Variants in NTRK2 observed in about 807,000 individuals in gnomAD.
The protein encoded by NTRK2 is BDNF/NT-3 growth factors receptor.
NTRK2 carries 13 observed loss-of-function variants against 94.5 expected under a neutral mutation model. The observed-to-expected ratio is 0.14, with a 90% CI of 0.09 to 0.22. The LOEUF (loss-of-function observed/expected upper bound fraction) is 0.22. NTRK2 is among the 10% of genes least tolerant of loss of function. NTRK2 has a pLI of 1.00. For missense variants in NTRK2, 639 were observed against 1,071.2 expected (o/e 0.60, Z 5.63); for synonymous variants, 372 against 407.4 (o/e 0.91, Z 1.05).
At chr9:84,738,987 C>T (rs1457985302) in intron 9 of NTRK2, among the ~76,000 whole-genome samples, 1 of 152,024 alleles carries the variant, frequency 6.6e-6, no homozygotes, top group Non-Finnish European at 1.5e-5. Context: ...GAAAGGCATG[C>T]GCTGATATGG....
At chr9:84,694,676 C>G (rs772781928) in intron 2 of NTRK2, among the ~76,000 whole-genome samples, 2 of 152,052 alleles carry the variant, frequency 1.3e-5, no homozygotes, top group African/African-American at 2.4e-5. Context: ...TATTCTACTC[C>G]CTATGAAAGA....
At chr9:84,874,341 C>T (rs41282437) in intron 14 of NTRK2, 13,302 of 1,064,938 alleles carry the variant, frequency 0.012, 93 homozygotes, top group Non-Finnish European at 0.014. Context: ...CAATCCTTTA[C>T]GGCAGCTATT....
chr9:84,846,382 G>A (rs1183553292), intron 12 of NTRK2, among the ~76,000 whole-genome samples: 1 of 152,190 alleles, frequency 6.6e-6, no homozygotes, highest in African/African-American at 2.4e-5. Flanking sequence ...AATCATTTAA[G>A]AAGAAACAAG....
intron 17 of NTRK2, among the ~76,000 whole-genome samples, chr9:84,990,449 T>C (rs893306323): frequency 2.6e-5 from 4 of 152,216 alleles, no homozygotes; most frequent in Admixed American, 2.0e-4. Context: ...TGGTTTTGTA[T>C]TCATTCTCGA....
intron 9 of NTRK2, among the ~76,000 whole-genome samples, chr9:84,728,287 T>C (rs2062604064): frequency 6.6e-6 from 1 of 152,092 alleles, no homozygotes. Flanking sequence ...TATCTGCCAT[T>C]GGCCAAAGCA....
intron 6 of NTRK2, among the ~76,000 whole-genome samples, chr9:84,713,906 G>A (rs538503384): frequency 1.0e-4 from 15 of 147,818 alleles, no homozygotes; most frequent in African/African-American, 3.8e-4. Flanking sequence ...TTTTAATTCT[G>A]CTTATTGTGA....
At chr9:84,698,242 A>G (rs1187340) in intron 2 of NTRK2, among the ~76,000 whole-genome samples, 91,728 of 151,810 alleles carry the variant, frequency 0.6, 27,835 homozygotes, top group East Asian at 0.71. Context: ...ACACTATGTG[A>G]TATTATTTTT....
At chr9:84,868,968 T>C (rs2075718723) in intron 14 of NTRK2, among the ~76,000 whole-genome samples, 1 of 152,138 alleles carries the variant, frequency 6.6e-6, no homozygotes, top group Non-Finnish European at 1.5e-5. Flanking sequence ...GTTGCTTTCC[T>C]TTGTGGAGGG....
At chr9:84,814,213 C>T (rs1023923698) in intron 12 of NTRK2, 2 of 1,065,582 alleles carry the variant, frequency 1.9e-6, no homozygotes, top group Non-Finnish European at 2.3e-6. Context: ...TTGCTTTTGG[C>T]TTCTCACTCT....
chr9:84,912,502 T>C (rs1361594674), intron 14 of NTRK2, among the ~76,000 whole-genome samples: 2 of 151,954 alleles, frequency 1.3e-5, no homozygotes, highest in Non-Finnish European at 1.5e-5. Context: ...CTCTCTCTGA[T>C]AATTATCTTT....
chr9:84,739,761 T>G (rs1359482293), intron 9 of NTRK2, among the ~76,000 whole-genome samples: 1 of 152,172 alleles, frequency 6.6e-6, no homozygotes, highest in Non-Finnish European at 1.5e-5. Context: ...CCCTCAGTCC[T>G]GGGCAGATGG....
intron 12 of NTRK2, among the ~76,000 whole-genome samples, chr9:84,756,948 TCATAAA>T (rs1285099217): frequency 6.6e-6 from 1 of 152,182 alleles, no homozygotes; most frequent in Non-Finnish European, 1.5e-5. Flanking sequence ...TTAAAAATAG[TCATAAA>T]CATAGCGGGG....
rs531631530 is a variant in NTRK2, at chr9:84,860,295, T to C, written c.1397-745T>C. Among the ~76,000 whole-genome samples the C allele has an allele frequency of 2.6e-5, 4 of 152,242 alleles. No individual in the cohort carries two copies. The South Asian group carries it at 8.3e-4, about 32-fold the overall frequency. On this transcript the variant is annotated intron_variant, in intron 12 of 18. Coordinates refer to ENST00000277120, the MANE Select transcript of NTRK2 (RefSeq NM_006180.6). ...GCTGGGCTCAGGAAGGAAGCAGACA[T>C]TTCACTGTGGCTTTATTCACGGGAG...
At chr9:84,671,207 C>T (rs914939514) in intron 2 of NTRK2, among the ~76,000 whole-genome samples, 2 of 152,118 alleles carry the variant, frequency 1.3e-5, no homozygotes, top group African/African-American at 2.4e-5. Flanking sequence ...TATATTTATT[C>T]CTCGTGGGAA....
At chr9:84,985,795 C>T (rs1205314787) in intron 17 of NTRK2, among the ~76,000 whole-genome samples, 1 of 152,092 alleles carries the variant, frequency 6.6e-6, no homozygotes, top group Non-Finnish European at 1.5e-5. Flanking sequence ...CGTGTTAAGA[C>T]AAGTAAGACA....
intron 12 of NTRK2, chr9:84,810,992 T>A (rs199859297): frequency 2.6e-5 from 29 of 1,116,680 alleles, no homozygotes; most frequent in Middle Eastern, 3.8e-4. Flanking sequence ...TAAAAAAAAA[T>A]TAAAGTTGAG....
intron 17 of NTRK2, among the ~76,000 whole-genome samples, chr9:85,006,958 C>T (rs950601518): frequency 6.6e-6 from 1 of 152,222 alleles, no homozygotes; most frequent in Non-Finnish European, 1.5e-5. Flanking sequence ...GTTCTCCTCC[C>T]ATATTTATTT....
chr9:84,996,792 G>A (rs1196942532), intron 17 of NTRK2, among the ~76,000 whole-genome samples: 1 of 152,230 alleles, frequency 6.6e-6, no homozygotes, highest in Non-Finnish European at 1.5e-5. Flanking sequence ...ATAGAAAGAG[G>A]TAGAGAGAGA....
In NTRK2 at chr9:84,709,959, CTCTGTGTGTGTG is replaced by C. The variant is rs1233303773; in HGVS notation, c.429-676_429-665del. Among the ~76,000 whole-genome samples the C allele has an allele frequency of 1.7e-3, 199 of 116,492 alleles. 1 individual carries two copies. Among genetic ancestry groups the C allele is most frequent in the African/African-American group, 5.5e-3 (188 of 34,054 alleles). 76.4% of individuals were successfully genotyped at this position (116,492 alleles called of 152,430 possible). A position where few individuals can be genotyped will look rare whatever the true frequency, so the allele number is the denominator to read the frequency against. On this transcript the variant is annotated intron_variant, in intron 5 of 18. Transcript: ENST00000277120. ...GTTGCCTTGCCCTCAGAATAGCTTGCTCTGTGTGTGTGTGTGTGTGTGTGTGTGTGTGTGTGT... is the reference window on the plus strand; with the variant it reads ...GTTGCCTTGCCCTCAGAATAGCTTGCTGTGTGTGTGTGTGTGTGTGTGTGT...
Sources: allele counts gnomAD v4.1 joint callset (sites outside exome capture counted in the v4.1 genomes callset), GRCh38; gene constraint gnomAD v4.1.1; transcripts MANE v1.5; gene names NCBI Gene and HGNC (gene_info 2026-07-23, HGNC 2026-07-21).